Variants in FAM13A observed in about 807,000 individuals in gnomAD.
The protein encoded by FAM13A is family with sequence similarity 13 member A.
FAM13A carries 76 observed loss-of-function variants against 129.6 expected under a neutral mutation model. The observed-to-expected ratio is 0.59, with a 90% CI of 0.49 to 0.71. FAM13A has a LOEUF of 0.71. FAM13A is among the 30% of genes least tolerant of loss of function. The pLI is 0.00. For synonymous variants in FAM13A, 443 were observed against 449.9 expected, an observed-to-expected ratio of 0.98 and a Z score of 0.20; for missense variants, 1,108 against 1,249.3, an observed-to-expected ratio of 0.89 and a Z score of 1.70.
chr4:88,955,957 AG>A (rs1456943383), intron 4 of FAM13A, among the ~76,000 whole-genome samples: 3 of 152,232 alleles, frequency 2.0e-5, no homozygotes, highest in African/African-American at 7.2e-5. Context: ...ATAAGTAGCA[AG>A]GAGCCTAATG....
At chr4:89,030,689 C>T (rs778598289) in intron 1 of FAM13A, among the ~76,000 whole-genome samples, 86 of 152,112 alleles carry the variant, frequency 5.7e-4, no homozygotes, top group Non-Finnish European at 1.8e-4. Flanking sequence ...TGGTAAAAGT[C>T]AGAGAACTAG....
chr4:89,055,107 T>C (rs999027231), intron 1 of FAM13A, among the ~76,000 whole-genome samples: 5 of 152,194 alleles, frequency 3.3e-5, no homozygotes, highest in African/African-American at 1.2e-4. Context: ...TCAATAAAAT[T>C]GCAGAAAGGG....
intron 1 of FAM13A, among the ~76,000 whole-genome samples, chr4:89,042,221 G>T (rs1488567457): frequency 6.6e-6 from 1 of 152,028 alleles, no homozygotes; most frequent in Non-Finnish European, 1.5e-5. Flanking sequence ...CAATAGCCAT[G>T]CTGTAATTAA....
At chr4:88,846,537 C>T (rs1736668177) in intron 7 of FAM13A, among the ~76,000 whole-genome samples, 1 of 152,172 alleles carries the variant, frequency 6.6e-6, no homozygotes. Flanking sequence ...ATGTAACAAA[C>T]ATTAACTCTC....
rs1176357072 is a variant in FAM13A, at chr4:88,994,109, G to C, written c.428-2959C>G. 3.9e-5 allele frequency among the ~76,000 whole-genome samples: 6 copies of C among 151,964 alleles called. No homozygotes were observed. The East Asian group carries it at 1.2e-3, about 29-fold the overall frequency. ...CTCCTTCCATTTCCACAGCATTTTT[G>C]TTTCCTGTGATGGAAGACAGATTCA... On this transcript the variant is annotated intron_variant, in intron 3 of 23. Transcript: ENST00000264344.
intron 3 of FAM13A, among the ~76,000 whole-genome samples, chr4:88,994,472 T>C (rs1303520724): frequency 6.6e-6 from 1 of 152,130 alleles, no homozygotes; most frequent in African/African-American, 2.4e-5. Flanking sequence ...ATGCCTAGGG[T>C]AGCAGCATGG....
At chr4:88,816,089 CCTCT>C (rs1454369198) in intron 7 of FAM13A, among the ~76,000 whole-genome samples, 14 of 151,730 alleles carry the variant, frequency 9.2e-5, no homozygotes, top group Admixed American at 2.0e-4. Context: ...AGTCTTTTAT[CCTCT>C]CTATCATTAT....
chr4:89,018,511 A>C (rs1174619089), intron 3 of FAM13A, among the ~76,000 whole-genome samples: 2 of 152,228 alleles, frequency 1.3e-5, no homozygotes, highest in Non-Finnish European at 2.9e-5. Context: ...TGAGGCCTCA[A>C]AGATAAAAAT....
chr4:89,020,661 G>A lies in FAM13A; in HGVS notation c.226C>T (p.Gln76Ter). ...CCATTCACCCTAAAAAGACCTTCTT[G>A]GGTAAGTCCTGGAAGAGCAAAGTAG... ...VEYLTQHGLT[Q>*]EGLFRVNGNV... Residue 76 changes from glutamine (Q) to a stop codon, truncating the protein, a stop_gained, in exon 3 of 24, where the codon CAA becomes TAA. Transcript: ENST00000264344. LOFTEE classifies it high-confidence loss of function. The A allele has an allele frequency of 1.2e-6, 2 of 1,613,664 alleles. No homozygotes were observed. The highest frequency in any genetic ancestry group is 1.7e-6 in the Non-Finnish European group (2 of 1,179,662).
At chr4:88,794,890 G>C (rs1228634172) in intron 8 of FAM13A, among the ~76,000 whole-genome samples, 1 of 151,714 alleles carries the variant, frequency 6.6e-6, no homozygotes, top group East Asian at 1.9e-4. Context: ...AATACGATAA[G>C]TTGATATGCA....
chr4:88,728,751 T>C (rs1397130045), intron 23 of FAM13A, 92 bp from the exon 24 acceptor site: 1 of 1,473,360 alleles, frequency 6.8e-7, no homozygotes, highest in Non-Finnish European at 9.4e-7. Flanking sequence ...TTTAGAAACT[T>C]TGCAGTTTAT....
At chr4:88,950,954 T>C (rs1248896579) in intron 4 of FAM13A, among the ~76,000 whole-genome samples, 1 of 152,134 alleles carries the variant, frequency 6.6e-6, no homozygotes, top group Non-Finnish European at 1.5e-5. Flanking sequence ...CTGCATTAGA[T>C]AGAGCAACTA....
At chr4:88,926,628 G>T (rs1394960515) in intron 5 of FAM13A, among the ~76,000 whole-genome samples, 1 of 152,160 alleles carries the variant, frequency 6.6e-6, no homozygotes, top group Non-Finnish European at 1.5e-5. Context: ...TGACTTTCTA[G>T]TGTTTACCTA....
chr4:89,013,326 G>GTATATATATATA lies in FAM13A; in HGVS notation c.427+7133_427+7134insTATATATATATA, dbSNP rs146908296. Reference sequence around the variant, plus strand: ...AAACACAGTATATACATATAACACAGTATATATACATATATATAAAATGTA... The same window carrying GTATATATATATA: ...AAACACAGTATATACATATAACACAGTATATATATATATATATATACATATATATAAAATGTA... On this transcript the variant is annotated intron_variant, in intron 3 of 23. Coordinates refer to ENST00000264344, the MANE Select transcript of FAM13A (RefSeq NM_014883.4). 4.6e-3 allele frequency among the ~76,000 whole-genome samples: 683 copies of GTATATATATATA among 148,426 alleles called. 6 individuals carry two copies. Among genetic ancestry groups the GTATATATATATA allele is most frequent in the African/African-American group, 0.016 (648 of 40,662 alleles).
intron 5 of FAM13A, among the ~76,000 whole-genome samples, chr4:88,932,548 A>T (rs1260454786): frequency 1.3e-5 from 2 of 152,200 alleles, no homozygotes; most frequent in Non-Finnish European, 2.9e-5. Context: ...GAAAAAAGTG[A>T]ATAAACATTT....
chr4:89,048,283 ATAT>A lies in FAM13A; in HGVS notation c.27+8652_27+8654del, dbSNP rs1336122433. Among the ~76,000 whole-genome samples the A allele has an allele frequency of 3.3e-5, 5 of 152,348 alleles. 1 individual carries two copies. The highest frequency in any genetic ancestry group is 1.2e-4 in the African/African-American group (5 of 41,586). ...TAAAATGTGATATATCATAAACAGAATATTATTTAACAATAAAAATGATATGCT... is the reference window on the plus strand; with the variant it reads ...TAAAATGTGATATATCATAAACAGAATATTTAACAATAAAAATGATATGCT... On this transcript the variant is annotated intron_variant, in intron 1 of 23. Coordinates refer to ENST00000264344, the MANE Select transcript of FAM13A (RefSeq NM_014883.4).
chr4:89,039,282 T>C (rs768889160), intron 1 of FAM13A, among the ~76,000 whole-genome samples: 5 of 152,214 alleles, frequency 3.3e-5, no homozygotes, highest in Non-Finnish European at 5.9e-5. Context: ...AGTTAAAATA[T>C]ACAACCTTCA....
intron 1 of FAM13A, among the ~76,000 whole-genome samples, chr4:89,030,637 T>C (rs1279449625): frequency 1.3e-5 from 2 of 152,144 alleles, no homozygotes; most frequent in South Asian, 2.1e-4. Flanking sequence ...AAACATTACA[T>C]TCAATCTAGA....
At chr4:88,735,777 A>G (rs1578418116) in intron 21 of FAM13A, among the ~76,000 whole-genome samples, 2 of 152,358 alleles carry the variant, frequency 1.3e-5, no homozygotes, top group South Asian at 2.1e-4. Flanking sequence ...TTACAAAAGC[A>G]AAGTAGTCAT....
Sources: allele counts gnomAD v4.1 joint callset (sites outside exome capture counted in the v4.1 genomes callset), GRCh38; gene constraint gnomAD v4.1.1; transcripts MANE v1.5; gene names NCBI Gene and HGNC (gene_info 2026-07-23, HGNC 2026-07-21).